The following ARB2A variants were observed in gnomAD, a reference collection of about 807,000 sequenced individuals.
ARB2A encodes the protein cotranscriptional regulator ARB2A.
At chr5:93,904,345 T>A in the ARB2A span, among the ~76,000 whole-genome samples, 1 of 151,850 alleles carries the variant, frequency 6.6e-6, no homozygotes, top group African/African-American at 2.4e-5. Context: ...AATAAGCCTC[T>A]CCTAGAAAAA....
chr5:93,829,890 T>C, the ARB2A span, among the ~76,000 whole-genome samples: 43 of 152,326 alleles, frequency 2.8e-4, no homozygotes, highest in African/African-American at 1.0e-3. Context: ...AAATTGACTT[T>C]TAGTGGCTGC....
At chr5:93,813,903 A>T in the ARB2A span, among the ~76,000 whole-genome samples, 19 of 152,338 alleles carry the variant, frequency 1.2e-4, no homozygotes, top group Middle Eastern at 6.8e-3. Context: ...CACAGAAAAC[A>T]TAACTGAAAT....
chr5:93,808,826 A>G, the ARB2A span, among the ~76,000 whole-genome samples: 2 of 152,098 alleles, frequency 1.3e-5, no homozygotes, highest in Non-Finnish European at 2.9e-5. Flanking sequence ...TTTTGTTTTT[A>G]TTAAAACCAG....
chr5:94,002,948 G>A, the ARB2A span, among the ~76,000 whole-genome samples: 1 of 152,000 alleles, frequency 6.6e-6, no homozygotes, highest in African/African-American at 2.4e-5. Context: ...AAGGATTCAG[G>A]CAGCAATATG....
the ARB2A span, among the ~76,000 whole-genome samples, chr5:94,052,936 A>G: frequency 2.6e-5 from 4 of 152,212 alleles, no homozygotes; most frequent in Admixed American, 6.5e-5. Context: ...CTTTCACTTG[A>G]ATGAAGAATT....
the ARB2A span, chr5:94,056,102 T>C: frequency 3.4e-5 from 6 of 177,962 alleles, no homozygotes; most frequent in African/African-American, 1.4e-4. Flanking sequence ...ATTAATAAAA[T>C]AAGCATATCC....
the ARB2A span, among the ~76,000 whole-genome samples, chr5:93,822,954 G>A: frequency 6.6e-6 from 1 of 152,102 alleles, no homozygotes; most frequent in East Asian, 1.9e-4. Flanking sequence ...ACTAAATCAA[G>A]TGGGTAAGCA....
At chr5:93,734,600 T>C in the ARB2A span, 1 of 152,192 alleles carries the variant, frequency 6.6e-6, no homozygotes, top group Non-Finnish European at 1.5e-5. Flanking sequence ...AAATGTTTGA[T>C]AATGAAACAT....
At chr5:94,000,855 G>T in the ARB2A span, among the ~76,000 whole-genome samples, 4 of 152,070 alleles carry the variant, frequency 2.6e-5, no homozygotes, top group East Asian at 3.9e-4. Context: ...ACTAAATTCG[G>T]TTTTTTGCAT....
chr5:94,038,971 A>G, the ARB2A span, among the ~76,000 whole-genome samples: 2 of 152,188 alleles, frequency 1.3e-5, no homozygotes, highest in Non-Finnish European at 2.9e-5. Flanking sequence ...CTCTCCTATG[A>G]TGATCAATCA....
chr5:93,816,286 A>G, the ARB2A span, among the ~76,000 whole-genome samples: 1 of 152,156 alleles, frequency 6.6e-6, no homozygotes, highest in Non-Finnish European at 1.5e-5. Context: ...TATCAACTGA[A>G]ATGTGTTTTT....
chr5:94,010,968 G>A, the ARB2A span, among the ~76,000 whole-genome samples: 8 of 152,222 alleles, frequency 5.3e-5, no homozygotes, highest in African/African-American at 1.9e-4. Context: ...AGAAATATAA[G>A]GTAACAAAAT....
At chr5:93,784,200 AT>A in the ARB2A span, 1 of 519,566 alleles carries the variant, frequency 1.9e-6, no homozygotes, top group Non-Finnish European at 3.4e-6. Context: ...GCTTTCAAAA[AT>A]ATTAGGTCTT....
chr5:93,817,399 C>A, the ARB2A span, among the ~76,000 whole-genome samples: 1 of 152,184 alleles, frequency 6.6e-6, no homozygotes, highest in Non-Finnish European at 1.5e-5. Flanking sequence ...GATGGCAACA[C>A]TCCCCAAATT....
chr5:94,057,811 G>C, the ARB2A span, among the ~76,000 whole-genome samples: 1 of 152,146 alleles, frequency 6.6e-6, no homozygotes, highest in Non-Finnish European at 1.5e-5. Context: ...TTACTGTGTG[G>C]AGACAGTTTA....
chr5:93,988,449 T>C, the ARB2A span, among the ~76,000 whole-genome samples: 3 of 152,310 alleles, frequency 2.0e-5, no homozygotes, highest in Non-Finnish European at 2.9e-5. Context: ...TGGCAAATGA[T>C]GTTGCTTTGC....
At chr5:94,040,858 T>A in the ARB2A span, among the ~76,000 whole-genome samples, 1 of 152,154 alleles carries the variant, frequency 6.6e-6, no homozygotes, top group African/African-American at 2.4e-5. Flanking sequence ...CCTTGCCAGT[T>A]TGATATTGGG....
At chr5:93,745,315 C>T in the ARB2A span, among the ~76,000 whole-genome samples, 1 of 152,192 alleles carries the variant, frequency 6.6e-6, no homozygotes, top group African/African-American at 2.4e-5. Context: ...CATACATTTG[C>T]TGCCTTAAAC....
chr5:93,683,073 G>A, the ARB2A span: 1 of 1,564,888 alleles, frequency 6.4e-7, no homozygotes, highest in African/African-American at 1.4e-5. Flanking sequence ...GGTGTTGATG[G>A]TTTTGAGTCT....
Sources: gnomAD v4.1 joint callset for allele counts (sites outside exome capture counted in the v4.1 genomes callset) on GRCh38, gnomAD v4.1.1 for gene constraint, MANE v1.5 for transcripts, NCBI Gene and HGNC (gene_info 2026-07-23, HGNC 2026-07-21) for gene names.